Variants in LDLRAD4 observed in about 807,000 individuals in gnomAD.
The protein encoded by LDLRAD4 is low density lipoprotein receptor class A domain containing 4, also known as low-density lipoprotein receptor class A domain-containing protein 4.
LDLRAD4 carries 5 observed loss-of-function variants against 17.0 expected under a neutral mutation model. The ratio of observed to expected loss-of-function variants is 0.29; its 90% CI spans 0.15 to 0.62. LDLRAD4 has a LOEUF of 0.62. Ranked by LOEUF, LDLRAD4 falls within the 20% of genes least tolerant of loss-of-function variation. The pLI is 0.84. For synonymous variants in LDLRAD4, 168 were observed against 171.8 expected (o/e 0.98, Z 0.17); for missense variants, 340 against 424.7 (o/e 0.80, Z 1.75).
intron 3 of LDLRAD4, chr18:13,612,636 G>A: frequency 1.9e-6 from 3 of 1,610,674 alleles, no homozygotes; most frequent in Middle Eastern, 1.7e-4. Context: ...ATTGCCGGAA[G>A]CTGAAGGGAT....
chr18:13,247,267 C>G (rs1299448086), intron 1 of LDLRAD4, among the ~76,000 whole-genome samples: 1 of 152,160 alleles, frequency 6.6e-6, no homozygotes, highest in Non-Finnish European at 1.5e-5. Flanking sequence ...AGAAGACTTA[C>G]GAAGATTGTG....
chr18:13,350,346 CATT>C (rs536293705), intron 1 of LDLRAD4, among the ~76,000 whole-genome samples: 185 of 152,276 alleles, frequency 1.2e-3, no homozygotes, highest in African/African-American at 4.3e-3. Context: ...GATGGTATCT[CATT>C]ATGGTTTTGA....
chr18:13,558,719 A>G (rs1381483945), intron 3 of LDLRAD4, among the ~76,000 whole-genome samples: 4 of 152,226 alleles, frequency 2.6e-5, no homozygotes, highest in African/African-American at 4.8e-5. Flanking sequence ...TAATTTTGCT[A>G]TTAGCCAGTG....
chr18:13,437,873 G>A (rs1398669664), intron 2 of LDLRAD4, among the ~76,000 whole-genome samples: 1 of 152,276 alleles, frequency 6.6e-6, no homozygotes, highest in African/African-American at 2.4e-5. Context: ...ATTCTCGGAA[G>A]TGTGGAGAAC....
chr18:13,229,555 G>C (rs2041969837), intron 1 of LDLRAD4, among the ~76,000 whole-genome samples: 1 of 152,158 alleles, frequency 6.6e-6, no homozygotes, highest in Non-Finnish European at 1.5e-5. Flanking sequence ...CCAAGGAGAA[G>C]ATAGAATATG....
intron 1 of LDLRAD4, among the ~76,000 whole-genome samples, chr18:13,220,697 G>A (rs1202305406): frequency 6.6e-6 from 1 of 152,226 alleles, no homozygotes; most frequent in Non-Finnish European, 1.5e-5. Context: ...GTTTGGGACT[G>A]TGCTGTAGTC....
At chr18:13,403,307 C>A (rs1445808967) in intron 2 of LDLRAD4, among the ~76,000 whole-genome samples, 1 of 152,102 alleles carries the variant, frequency 6.6e-6, no homozygotes, top group African/African-American at 2.4e-5. Context: ...AATAACTGTT[C>A]TTTTGTGGTG....
At chr18:13,547,334 G>T (rs1219739945) in intron 3 of LDLRAD4, among the ~76,000 whole-genome samples, 2 of 152,214 alleles carry the variant, frequency 1.3e-5, no homozygotes, top group African/African-American at 4.8e-5. Flanking sequence ...TAAAAACAAT[G>T]TCTTAAACTT....
chr18:13,612,642 G>A, intron 3 of LDLRAD4: 1 of 1,612,220 alleles, frequency 6.2e-7, no homozygotes, highest in Non-Finnish European at 8.5e-7. Context: ...GGAAGCTGAA[G>A]GGATGCTTTG....
chr18:13,328,215 C>G (rs555188339), intron 1 of LDLRAD4, among the ~76,000 whole-genome samples: 1 of 152,286 alleles, frequency 6.6e-6, no homozygotes, highest in African/African-American at 2.4e-5. Flanking sequence ...GTTCTTGTGT[C>G]CTCTGCTTCA....
chr18:13,621,067 G>C lies in LDLRAD4; in HGVS notation c.182-50G>C, dbSNP rs1418874806. The stretch of plus-strand genomic sequence containing the variant: ...GGTGGTGACAGTGCCTGGAGAATGG[G>C]TGGGGACTGGAGGGGCCAGGTGGCT... On this transcript the variant is annotated intron_variant, in intron 3 of 5. Transcript: ENST00000359446. The surrounding 1 kb of genome is among the most constrained non-coding windows in gnomAD (Gnocchi z 5.5). 6.2e-7 allele frequency: 1 copy of C among 1,613,184 alleles called. No individual in the cohort carries two copies. Among genetic ancestry groups the C allele is most frequent in the Non-Finnish European group, 8.5e-7 (1 of 1,179,484 alleles).
At chr18:13,378,598 A>G (rs2085104778) in intron 1 of LDLRAD4, among the ~76,000 whole-genome samples, 1 of 152,196 alleles carries the variant, frequency 6.6e-6, no homozygotes, top group Non-Finnish European at 1.5e-5. Flanking sequence ...GTTATATTTC[A>G]GTATGAAAAC....
At chr18:13,342,230 A>C (rs573365425) in intron 1 of LDLRAD4, among the ~76,000 whole-genome samples, 7 of 152,204 alleles carry the variant, frequency 4.6e-5, no homozygotes, top group African/African-American at 1.7e-4. Flanking sequence ...TTTCGGTATC[A>C]GGGTAACGCT....
At position 13,389,019 on chromosome 18, in the gene LDLRAD4, C is replaced by T. The variant is rs148930877; in HGVS notation, c.40+1257C>T. ...TTCTCTGGCCCATGTGGATGAGCTC[C>T]GCAGCTGTGTACACCTTCCTCCCAG... On this transcript the variant is annotated intron_variant, in intron 2 of 5. Coordinates refer to ENST00000359446, the Ensembl canonical transcript of LDLRAD4. Among the ~76,000 whole-genome samples, 174 of 152,248 alleles carry T rather than the reference C, an allele frequency of 1.1e-3. 5 individuals are homozygous for T. In the East Asian group the frequency reaches 0.03, roughly 26 times the overall value.
rs1402277128 is a variant in LDLRAD4 at position 13,456,609 on chromosome 18, T to C, written c.181+18225T>C. On this transcript the variant is annotated intron_variant, in intron 3 of 5. Transcript: ENST00000359446. ...CCTCCAAGGGAGGGTCTGTGTTTTG[T>C]TTATTTTTGGTCCCTGAATGTCCAG... 4.6e-5 allele frequency among the ~76,000 whole-genome samples: 7 copies of C among 152,216 alleles called. No homozygotes were observed. In the East Asian group the frequency reaches 1.2e-3, roughly 25 times the overall value.
intron 2 of LDLRAD4, among the ~76,000 whole-genome samples, chr18:13,409,293 C>T (rs894432316): frequency 6.6e-6 from 1 of 152,156 alleles, no homozygotes; most frequent in Non-Finnish European, 1.5e-5. Context: ...TGCTGCCTCC[C>T]CTCCCAGGGA....
At chr18:13,649,797 G>C in exon 6 of LDLRAD4, 1 of 378,726 alleles carries the variant, frequency 2.6e-6, no homozygotes, top group Non-Finnish European at 4.7e-6. Context: ...TGTGTTGCTT[G>C]CTTAAGTGAT....
chr18:13,643,560 G>A lies in LDLRAD4; in HGVS notation c.390+148G>A, dbSNP rs2042808807. 7.0e-6 allele frequency: 3 copies of A among 427,918 alleles called. No individual in the cohort carries two copies. The East Asian group carries it at 1.1e-4, about 15-fold the overall frequency. 26.5% of individuals were successfully genotyped at this position (427,918 alleles called of 1,614,324 possible). A position where few individuals can be genotyped will look rare whatever the true frequency, so the allele number is the denominator to read the frequency against. On this transcript the variant is annotated intron_variant, in intron 5 of 5. Coordinates refer to ENST00000359446, the Ensembl canonical transcript of LDLRAD4. Reference sequence around the variant, plus strand: ...GAGGAAGGCATTGCCTAGAACTTTGGTCAAAAGCGGGAGGGGACTTCCCCT... The same window carrying A: ...GAGGAAGGCATTGCCTAGAACTTTGATCAAAAGCGGGAGGGGACTTCCCCT...
intron 3 of LDLRAD4, among the ~76,000 whole-genome samples, chr18:13,508,584 T>A (rs1469847044): frequency 6.6e-6 from 1 of 152,182 alleles, no homozygotes; most frequent in Non-Finnish European, 1.5e-5. Flanking sequence ...TCATGCTAAA[T>A]CTATGCTGCC....
Sources: gnomAD v4.1 joint callset for allele counts (sites outside exome capture counted in the v4.1 genomes callset) on GRCh38, gnomAD v4.1.1 for gene constraint, Gnocchi (gnomAD v3.1) non-coding constraint, MANE v1.5 for transcripts, NCBI Gene and HGNC (gene_info 2026-07-23, HGNC 2026-07-21) for gene names.